Variants in EXTL3 observed in about 807,000 individuals in gnomAD.
EXTL3 encodes the protein exostosin like glycosyltransferase 3, also known as exostosin-like 3.
Under a neutral mutation model 69.3 loss-of-function variants are expected in EXTL3, and 27 were observed. That is an observed-to-expected ratio of 0.39 (90% CI 0.29 to 0.54). The LOEUF (loss-of-function observed/expected upper bound fraction) is 0.54, where lower values mean the gene tolerates loss of function less well. EXTL3 is among the 20% of genes least tolerant of loss of function. EXTL3 has a pLI of 0.69. For missense variants in EXTL3, 1,003 were observed against 1,231.8 expected (o/e 0.81, Z 2.78); for synonymous variants, 511 against 499.4 (o/e 1.02, Z -0.31).
intron 3 of EXTL3, among the ~76,000 whole-genome samples, chr8:28,730,747 G>A (rs1403517516): frequency 1.3e-5 from 2 of 152,112 alleles, no homozygotes; most frequent in African/African-American, 4.8e-5. Flanking sequence ...ATCTCGACCA[G>A]ATGGGCTGTG....
intron 2 of EXTL3, among the ~76,000 whole-genome samples, chr8:28,609,062 A>G (rs1372623902): frequency 6.6e-6 from 1 of 152,134 alleles, no homozygotes; most frequent in Non-Finnish European, 1.5e-5. Context: ...GAAGTCTGCT[A>G]GCAGAGCATC....
chr8:28,735,632 C>G (rs1801635207), intron 4 of EXTL3, among the ~76,000 whole-genome samples: 1 of 152,188 alleles, frequency 6.6e-6, no homozygotes, highest in African/African-American at 2.4e-5. Flanking sequence ...GATCTAAAAC[C>G]TTTCTCTTAT....
At position 28,716,543 on chromosome 8, in the gene EXTL3, G is replaced by A. The variant is rs751265343; in HGVS notation, c.484G>A (p.Glu162Lys). 6.2e-7 allele frequency: 1 copy of A among 1,614,148 alleles called. No homozygotes were observed. The highest frequency in any genetic ancestry group is 1.1e-5 in the South Asian group (1 of 91,088). ...GTCCCTGCCCATCCGACTGCTCCCA[G>A]AGAAGGACGATGCCGGCCTCCCTCC... is the stretch of plus-strand genomic sequence containing the variant. ...KLSLPIRLLP[E>K]KDDAGLPPPK... The change falls in exon 3 of 7, where the codon GAG (glutamate) becomes AAG (lysine). Residue 162 changes from glutamate (E) to lysine (K), a missense_variant. Around this residue, in one of 2 missense-constraint regions of EXTL3, gnomAD observed 742 missense variants for 815.4 expected, o/e 0.91. Coordinates refer to ENST00000220562, the MANE Select transcript of EXTL3 (RefSeq NM_001440.4). The surrounding 1 kb of genome is among the most constrained non-coding windows in gnomAD (Gnocchi z 7.1).
At chr8:28,664,309 A>G (rs1807160491) in intron 1 of EXTL3, among the ~76,000 whole-genome samples, 1 of 152,180 alleles carries the variant, frequency 6.6e-6, no homozygotes, top group Non-Finnish European at 1.5e-5. Flanking sequence ...GCTGCCTGTC[A>G]TTGTGTGCCC....
chr8:28,672,244 T>A (rs982531660), intron 1 of EXTL3, among the ~76,000 whole-genome samples: 1 of 151,854 alleles, frequency 6.6e-6, no homozygotes, highest in Admixed American at 6.6e-5. Context: ...GGTGAAACCC[T>A]GTCTCTACTA....
chr8:28,716,649 A>G lies in EXTL3; in HGVS notation c.590A>G (p.Tyr197Cys). The G allele has an allele frequency of 6.2e-7, 1 of 1,614,186 alleles. No individual in the cohort carries two copies. The highest frequency in any genetic ancestry group is 8.5e-7 in the Non-Finnish European group (1 of 1,180,020). Residue 197 changes from tyrosine to cysteine, a missense_variant, in exon 3 of 7, where the codon TAC (tyrosine) becomes TGC (cysteine). Tyr to Cys is a radical substitution (Grantham distance 194). Around this residue, in one of 2 missense-constraint regions of EXTL3, gnomAD observed 742 missense variants for 815.4 expected, o/e 0.91. Transcript: ENST00000220562. This position sits in a 1 kb window ranked among gnomAD's most constrained non-coding sequence, Gnocchi z 7.1. ...RCPLTSGFPV[Y>C]VYDSDQFVFG... ...CCTCTCACCTCTGGCTTCCCGGTCT[A>G]CGTCTATGACAGTGACCAGTTTGTC... is the stretch of plus-strand genomic sequence containing the variant.
upstream of EXTL3, chr8:28,701,463 G>C (rs1345862749): frequency 6.6e-6 from 1 of 151,418 alleles, no homozygotes; most frequent in African/African-American, 2.4e-5. Flanking sequence ...GCGAACGCCG[G>C]CTTCGGCCAT....
chr8:28,667,156 C>G (rs1807209919), intron 1 of EXTL3, among the ~76,000 whole-genome samples: 1 of 152,182 alleles, frequency 6.6e-6, no homozygotes, highest in African/African-American at 2.4e-5. Flanking sequence ...GTTAAGTAGG[C>G]AAAGAAAACT....
intron 1 of EXTL3, among the ~76,000 whole-genome samples, chr8:28,622,974 C>T (rs1158045348): frequency 1.3e-5 from 2 of 152,048 alleles, no homozygotes; most frequent in African/African-American, 2.4e-5. Flanking sequence ...TGTCTGGCCC[C>T]GTCGTCCTGC....
chr8:28,672,388 A>G (rs1807310051), intron 1 of EXTL3, among the ~76,000 whole-genome samples: 1 of 112,096 alleles, frequency 8.9e-6, no homozygotes. Flanking sequence ...ACTGCACTCC[A>G]GTCTGGGCAA....
rs149829798 is a variant in EXTL3 at position 28,682,725 on chromosome 8, C to T, written c.-52-30732C>T. ...TCCCAAAGTGCTGGGATTACAGGCA[C>T]GAGTCACTGCACCCAGGCTGCGGCA... On this transcript the variant is annotated intron_variant, in intron 1 of 6. Coordinates refer to the EXTL3 transcript ENST00000523149. Among the ~76,000 whole-genome samples the T allele has an allele frequency of 8.3e-3, 1,260 of 152,196 alleles. 17 individuals carry two copies. Among genetic ancestry groups the T allele is most frequent in the African/African-American group, 0.029 (1,199 of 41,536 alleles).
At chr8:28,648,123 A>G (rs1401474397) in intron 1 of EXTL3, among the ~76,000 whole-genome samples, 1 of 152,072 alleles carries the variant, frequency 6.6e-6, no homozygotes. Context: ...TTTATTCTTT[A>G]CTGATTATTT....
At chr8:28,727,637 A>G (rs74545102) in intron 3 of EXTL3, among the ~76,000 whole-genome samples, 2,395 of 152,262 alleles carry the variant, frequency 0.016, 33 homozygotes, top group Middle Eastern at 0.034. Flanking sequence ...GTGTGGTGCT[A>G]TGTTGATTTA....
intron 2 of EXTL3, among the ~76,000 whole-genome samples, chr8:28,714,025 G>C (rs1801089421): frequency 6.7e-6 from 1 of 149,870 alleles, no homozygotes; most frequent in Non-Finnish European, 1.5e-5. Flanking sequence ...TCCTGCCTCA[G>C]CCTCCTGAGT....
At chr8:28,687,724 C>CTA (rs1233922894) in intron 1 of EXTL3, among the ~76,000 whole-genome samples, 1 of 152,106 alleles carries the variant, frequency 6.6e-6, no homozygotes, top group East Asian at 1.9e-4. Flanking sequence ...GACACACAAG[C>CTA]ATTTAAGGGA....
At chr8:28,722,005 C>T (rs1801300743) in intron 3 of EXTL3, among the ~76,000 whole-genome samples, 1 of 152,186 alleles carries the variant, frequency 6.6e-6, no homozygotes, top group South Asian at 2.1e-4. Context: ...TTTTCATTCT[C>T]TTCTTCATAA....
chr8:28,713,398 A>G (rs1801071653), intron 1 of EXTL3, 59 bp from the exon 2 acceptor site: 2 of 650,398 alleles, frequency 3.1e-6, no homozygotes, highest in South Asian at 1.7e-5. Context: ...AGTATTGAGT[A>G]TTTTTCTAAT....
intron 2 of EXTL3, among the ~76,000 whole-genome samples, chr8:28,610,342 C>G (rs1199542155): frequency 6.6e-6 from 1 of 152,078 alleles, no homozygotes; most frequent in Non-Finnish European, 1.5e-5. Context: ...ATTTCCTCAT[C>G]TCTTTGTTAA....
chr8:28,634,598 T>C (rs1240079074), intron 1 of EXTL3, among the ~76,000 whole-genome samples: 1 of 111,714 alleles, frequency 9.0e-6, no homozygotes, highest in Non-Finnish European at 1.6e-5. Flanking sequence ...CCACATCTGC[T>C]TTTTTTTTTT....
Sources: gnomAD v4.1 joint callset for allele counts (sites outside exome capture counted in the v4.1 genomes callset) on GRCh38, gnomAD v4.1.1 for gene constraint, gnomAD v4.1.1 regional missense constraint, Gnocchi (gnomAD v3.1) non-coding constraint, MANE v1.5 for transcripts, NCBI Gene and HGNC (gene_info 2026-07-23, HGNC 2026-07-21) for gene names.